Variants in CUBN observed in about 807,000 individuals in gnomAD.
The protein encoded by CUBN is 460 kDa receptor.
A neutral mutation model predicts 405.3 loss-of-function variants in CUBN; 282 were observed. The observed-to-expected ratio is 0.70, with a 90% CI of 0.63 to 0.77. CUBN has a LOEUF of 0.77. Ranked by LOEUF, CUBN falls within the 30% of genes least tolerant of loss-of-function variation. The probability of loss-of-function intolerance (pLI) is 0.00; values close to 1 mark genes in which losing one functional copy is unlikely to be tolerated. For missense variants in CUBN, 4,514 were observed against 4,475.2 expected (o/e 1.01, Z -0.25); for synonymous variants, 1,684 against 1,617.0 (o/e 1.04, Z -0.99).
At chr10:17,103,820 T>C (rs575153197) in intron 12 of CUBN, among the ~76,000 whole-genome samples, 18 of 152,312 alleles carry the variant, frequency 1.2e-4, no homozygotes, top group Admixed American at 2.0e-4. Context: ...ACAAGGAAGA[T>C]GTGTGAGGAG....
Position 17,084,369 on chromosome 10 carries a change from C to A in CUBN, c.2203G>T (p.Val735Phe), listed in dbSNP as rs370770104. ...SGPFTHTRQC[V>F]YMMKQPQGEQ... ...CCCTGGGGCTGCTTCATCATATAGACGCATTGCCTGGTGTGAGTGAAAGGC... is the reference window on the plus strand; with the variant it reads ...CCCTGGGGCTGCTTCATCATATAGAAGCATTGCCTGGTGTGAGTGAAAGGC... Residue 735 changes from valine to phenylalanine, a missense_variant, in exon 17 of 67, where the codon GTC becomes TTC. By Grantham distance (50) the Val-to-Phe change is conservative. Transcript: ENST00000377833. The A allele has an allele frequency of 1.2e-6, 2 of 1,614,168 alleles. No homozygotes were observed. The highest frequency in any genetic ancestry group is 1.7e-6 in the Non-Finnish European group (2 of 1,180,030).
intron 51 of CUBN, 42 bp downstream of exon 51, chr10:16,903,924 C>T: frequency 7.2e-7 from 1 of 1,383,652 alleles, no homozygotes; most frequent in Non-Finnish European, 1.0e-6. Context: ...AATCATTAAT[C>T]TTTATAAGTA....
chr10:17,012,587 T>C (rs899766234), intron 28 of CUBN, among the ~76,000 whole-genome samples: 8 of 152,230 alleles, frequency 5.3e-5, no homozygotes, highest in African/African-American at 1.9e-4. Flanking sequence ...GGATAATGCA[T>C]GTTACACTGT....
In CUBN at chr10:16,928,153, T is replaced by C. The variant is rs1285762424; in HGVS notation, c.6271+4A>G. 1 of 1,613,336 alleles carries C rather than the reference T, an allele frequency of 6.2e-7. No individual in the cohort carries two copies. Among genetic ancestry groups the C allele is most frequent in the East Asian group, 2.2e-5 (1 of 44,860 alleles). The stretch of plus-strand genomic sequence containing the variant: ...TGGGATTAAAAAATATTTGAACTCA[T>C]TACTCTTGTGAAAGGATGCATTGAA... On this transcript the variant is annotated splice_donor_region_variant and intron_variant, in intron 41 of 66. Transcript: ENST00000377833.
At chr10:16,937,112 A>G (rs1254171900) in intron 39 of CUBN, among the ~76,000 whole-genome samples, 1 of 152,246 alleles carries the variant, frequency 6.6e-6, no homozygotes, top group African/African-American at 2.4e-5. Flanking sequence ...AAGTAAAATA[A>G]AAGTTTAAAA....
Position 16,874,392 on chromosome 10 carries a change from T to TC in CUBN, c.9217dup (p.Asp3073GlyfsTer10). Reference sequence around the variant, plus strand: ...TACGTACTTGAGCTCGATCACCTTGTCGTCACTAACGGTGATGGTATACAG... The same window carrying TC: ...TACGTACTTGAGCTCGATCACCTTGTCCGTCACTAACGGTGATGGTATACAG... On this transcript the variant is annotated frameshift_variant, in exon 58 of 67. Transcript: ENST00000377833. LOFTEE classifies it high-confidence loss of function. 5.0e-6 allele frequency: 8 copies of TC among 1,614,204 alleles called. No homozygotes were observed. Among genetic ancestry groups the TC allele is most frequent in the Non-Finnish European group, 6.8e-6 (8 of 1,180,008 alleles).
Position 16,851,347 on chromosome 10 carries a change from T to TTTAAATTCCACAG in CUBN, c.9550_9551insCTGTGGAATTTAA (p.Asn3184ThrfsTer33), listed in dbSNP as rs1564385294. On this transcript the variant is annotated frameshift_variant, in exon 60 of 67. Transcript: ENST00000377833. LOFTEE classifies it high-confidence loss of function. Reference sequence around the variant, plus strand: ...AGGTGCAATTATGATCCATACACAGTTTAAATTCTTGTCATACATTCCATT... The same window carrying TTTAAATTCCACAG: ...AGGTGCAATTATGATCCATACACAGTTTAAATTCCACAGTTAAATTCTTGTCATACATTCCATT... The TTTAAATTCCACAG allele has an allele frequency of 1.9e-6, 3 of 1,614,140 alleles. No individual in the cohort carries two copies. The South Asian group carries it at 3.3e-5, about 18-fold the overall frequency.
chr10:16,966,152 G>A (rs1179330543), intron 31 of CUBN, among the ~76,000 whole-genome samples: 1 of 152,188 alleles, frequency 6.6e-6, no homozygotes, highest in Non-Finnish European at 1.5e-5. Context: ...AGCATCCTCA[G>A]TAGCATTTGA....
chr10:16,929,805 T>C (rs1438892358), intron 40 of CUBN, among the ~76,000 whole-genome samples: 2 of 152,206 alleles, frequency 1.3e-5, no homozygotes, highest in Non-Finnish European at 2.9e-5. Context: ...ACTACAAAAT[T>C]TTGAAGTTTA....
intron 41 of CUBN, among the ~76,000 whole-genome samples, chr10:16,926,495 G>C (rs1231115780): frequency 6.6e-6 from 1 of 152,108 alleles, no homozygotes; most frequent in Non-Finnish European, 1.5e-5. Context: ...AAGGACAGGA[G>C]CAGAGTGTCC....
chr10:17,091,015 T>A (rs1330977103), intron 14 of CUBN, among the ~76,000 whole-genome samples: 1 of 152,130 alleles, frequency 6.6e-6, no homozygotes, highest in Admixed American at 6.5e-5. Context: ...GATTGTGAGA[T>A]CTAAATACCA....
chr10:17,076,115 AG>A (rs1835848789), intron 17 of CUBN, among the ~76,000 whole-genome samples: 1 of 152,200 alleles, frequency 6.6e-6, no homozygotes, highest in African/African-American at 2.4e-5. Flanking sequence ...ACAGCCAAAT[AG>A]CATCACTGCA....
chr10:16,834,150 C>T (rs1020820390), intron 64 of CUBN, among the ~76,000 whole-genome samples: 2 of 152,092 alleles, frequency 1.3e-5, no homozygotes, highest in East Asian at 3.9e-4. Context: ...GTTTTTCTGG[C>T]AAAACACAGG....
At chr10:17,070,377 G>T (rs558446652) in intron 19 of CUBN, among the ~76,000 whole-genome samples, 1 of 151,954 alleles carries the variant, frequency 6.6e-6, no homozygotes, top group Non-Finnish European at 1.5e-5. Flanking sequence ...TGAATTTTAC[G>T]ATCAGCTTAT....
At chr10:17,104,733 A>G (rs1189307615) in intron 11 of CUBN, 128 bp from the exon 12 acceptor site, 3 of 228,802 alleles carry the variant, frequency 1.3e-5, no homozygotes, top group Admixed American at 5.8e-5. Context: ...ATTATTATAT[A>G]TAAAATAATA....
At chr10:17,129,292 T>C (rs1444079105) in intron 1 of CUBN, 42 bp from the exon 2 acceptor site, 1 of 1,603,392 alleles carries the variant, frequency 6.2e-7, no homozygotes, top group Admixed American at 1.7e-5. Context: ...AATTAGCAAG[T>C]ACAATTTTTA....
At chr10:17,060,524 G>T (rs1439147969) in intron 22 of CUBN, among the ~76,000 whole-genome samples, 1 of 152,190 alleles carries the variant, frequency 6.6e-6, no homozygotes, top group Non-Finnish European at 1.5e-5. Flanking sequence ...TTTATTCTAA[G>T]GAGTAAGAAA....
chr10:16,995,483 T>G (rs1459647661), intron 28 of CUBN, among the ~76,000 whole-genome samples: 1 of 152,226 alleles, frequency 6.6e-6, no homozygotes, highest in East Asian at 1.9e-4. Flanking sequence ...TGCTGTGTAT[T>G]CTATCTTTAC....
chr10:17,032,152 T>C (rs1834801003), intron 27 of CUBN, among the ~76,000 whole-genome samples: 1 of 152,086 alleles, frequency 6.6e-6, no homozygotes, highest in Non-Finnish European at 1.5e-5. Context: ...GGTCAGCTGG[T>C]GTAAGGGTGA....
Sources: gnomAD v4.1 joint callset for allele counts (sites outside exome capture counted in the v4.1 genomes callset) on GRCh38, gnomAD v4.1.1 for gene constraint, MANE v1.5 for transcripts, NCBI Gene and HGNC (gene_info 2026-07-23, HGNC 2026-07-21) for gene names.